TMEM132D: variants seen among roughly 807,000 people sequenced by gnomAD.
TMEM132D encodes the protein mature OL transmembrane protein.
In TMEM132D, 21 loss-of-function variants were observed where a neutral mutation model predicts 62.3. The observed-to-expected ratio is 0.34, with a 90% CI of 0.24 to 0.49. TMEM132D has a LOEUF of 0.49. Among genes scored for constraint, TMEM132D ranks in the 20% least tolerant of loss-of-function variants. The probability of loss-of-function intolerance (pLI) is 0.99; values close to 1 mark genes in which losing one functional copy is unlikely to be tolerated. For missense variants in TMEM132D, 1,346 were observed against 1,402.8 expected, an observed-to-expected ratio of 0.96 and a Z score of 0.65; for synonymous variants, 621 against 575.6, an observed-to-expected ratio of 1.08 and a Z score of -1.13.
At chr12:129,458,379 T>C (rs1873547206) in intron 3 of TMEM132D, among the ~76,000 whole-genome samples, 1 of 148,440 alleles carries the variant, frequency 6.7e-6, no homozygotes, top group African/African-American at 2.5e-5. Context: ...AGCATTTGCC[T>C]ATATCAGAGT....
chr12:129,835,496 G>C (rs944503474), intron 1 of TMEM132D, among the ~76,000 whole-genome samples: 1 of 152,034 alleles, frequency 6.6e-6, no homozygotes, highest in Non-Finnish European at 1.5e-5. Context: ...TCACCATGTT[G>C]TCCAGGCTAG....
Position 129,539,579 on chromosome 12 carries a change from T to TTA in TMEM132D, c.969-8375_969-8374insTA, listed in dbSNP as rs199536110. ...GCCACTGGCTAATTTTTTCTATTTT[T>TTA]TTTTTTTCTTTTAGCAGAGACGGGA... On this transcript the variant is annotated intron_variant, in intron 2 of 8. Transcript: ENST00000422113. Among the ~76,000 whole-genome samples the TTA allele has an allele frequency of 4.6e-3, 679 of 148,960 alleles. 11 individuals are homozygous for TTA. The highest frequency in any genetic ancestry group is 0.016 in the African/African-American group (641 of 39,878).
At chr12:129,723,312 G>A (rs538862777) in intron 1 of TMEM132D, among the ~76,000 whole-genome samples, 2 of 152,258 alleles carry the variant, frequency 1.3e-5, no homozygotes, top group South Asian at 2.1e-4. Flanking sequence ...GTACCTCTGC[G>A]TTCTGGGACT....
chr12:129,086,137 T>A (rs749712917), intron 5 of TMEM132D: 2 of 152,402 alleles, frequency 1.3e-5, no homozygotes, highest in Non-Finnish European at 2.9e-5. Flanking sequence ...TTGATCTACA[T>A]GTGTACTGTG....
At chr12:129,596,934 G>A (rs1878353603) in intron 2 of TMEM132D, among the ~76,000 whole-genome samples, 1 of 152,034 alleles carries the variant, frequency 6.6e-6, no homozygotes, top group Admixed American at 6.5e-5. Flanking sequence ...TACCTTTAAG[G>A]CATTTGATGA....
chr12:129,819,959 GGA>G, intron 1 of TMEM132D, among the ~76,000 whole-genome samples: 1 of 152,178 alleles, frequency 6.6e-6, no homozygotes, highest in East Asian at 1.9e-4. Flanking sequence ...CGTGCACCGT[GGA>G]CATGACTGCT....
At chr12:129,671,984 G>A (rs1880511036) in intron 2 of TMEM132D, among the ~76,000 whole-genome samples, 1 of 152,328 alleles carries the variant, frequency 6.6e-6, no homozygotes, top group East Asian at 1.9e-4. Context: ...CCTGGCCGCT[G>A]CAGACCCCAG....
In TMEM132D at chr12:129,406,869, C is replaced by T. The variant is rs894124720; in HGVS notation, c.1116-69052G>A. ...CAGCAGAAGTATCCCTGGTTATGCACGAAACTGAAAGATTTTGTCTGCAGC... is the reference window on the plus strand; with the variant it reads ...CAGCAGAAGTATCCCTGGTTATGCATGAAACTGAAAGATTTTGTCTGCAGC... On this transcript the variant is annotated intron_variant, in intron 3 of 8. Transcript: ENST00000422113. Among the ~76,000 whole-genome samples, 5 of 152,308 alleles carry T rather than the reference C, an allele frequency of 3.3e-5. No homozygotes were observed. The East Asian group carries it at 5.8e-4, about 18-fold the overall frequency.
chr12:129,149,563 G>A (rs561031973), intron 5 of TMEM132D, among the ~76,000 whole-genome samples: 107 of 152,316 alleles, frequency 7.0e-4, no homozygotes, highest in African/African-American at 1.9e-3. Context: ...TATTCTGTCC[G>A]TCTCCAGTGT....
chr12:129,685,224 C>T (rs1360699008), intron 2 of TMEM132D, among the ~76,000 whole-genome samples: 1 of 152,150 alleles, frequency 6.6e-6, no homozygotes, highest in Non-Finnish European at 1.5e-5. Context: ...ATGTCAGAGA[C>T]CTTCACAGTA....
In TMEM132D at chr12:129,144,540, G is replaced by A. The variant is rs1448163529; in HGVS notation, c.1444-59838C>T. On this transcript the variant is annotated intron_variant, in intron 5 of 8. Coordinates refer to ENST00000422113, the MANE Select transcript of TMEM132D (RefSeq NM_133448.3). ...CCTAGCTTAGACAGCCCTAGCTTACGGCTAGACATGGTGAGGAGGCACCTG... is the reference window on the plus strand; with the variant it reads ...CCTAGCTTAGACAGCCCTAGCTTACAGCTAGACATGGTGAGGAGGCACCTG... Among the ~76,000 whole-genome samples the A allele has an allele frequency of 9.2e-5, 14 of 152,246 alleles. No individual in the cohort carries two copies. The East Asian group carries it at 1.9e-3, about 21-fold the overall frequency.
At chr12:129,445,094 TGAAAGAC>T (rs553658884) in intron 3 of TMEM132D, among the ~76,000 whole-genome samples, 370 of 152,262 alleles carry the variant, frequency 2.4e-3, no homozygotes, top group African/African-American at 8.5e-3. Context: ...TATCCATCAA[TGAAAGAC>T]TGGATAAAGA....
chr12:129,424,925 T>C (rs978905755), intron 3 of TMEM132D, among the ~76,000 whole-genome samples: 2 of 152,094 alleles, frequency 1.3e-5, no homozygotes, highest in African/African-American at 4.8e-5. Context: ...AGATTCCTAA[T>C]GCCAATTTAC....
At chr12:129,376,083 T>G (rs1870772034) in intron 3 of TMEM132D, among the ~76,000 whole-genome samples, 1 of 152,176 alleles carries the variant, frequency 6.6e-6, no homozygotes, top group South Asian at 2.1e-4. Flanking sequence ...CAGAGATAAA[T>G]GTAGGCATCA....
chr12:129,653,201 A>C (rs536194576), intron 2 of TMEM132D, among the ~76,000 whole-genome samples: 14 of 152,124 alleles, frequency 9.2e-5, no homozygotes, highest in African/African-American at 2.7e-4. Flanking sequence ...AACCAGGATG[A>C]GGAGGGGCTG....
chr12:129,486,404 C>A (rs768608687), intron 3 of TMEM132D, among the ~76,000 whole-genome samples: 8 of 152,158 alleles, frequency 5.3e-5, no homozygotes, highest in Non-Finnish European at 1.0e-4. Context: ...CTTGCCCAGA[C>A]CCCATACATG....
At chr12:129,572,481 T>G (rs557998930) in intron 2 of TMEM132D, among the ~76,000 whole-genome samples, 1 of 152,290 alleles carries the variant, frequency 6.6e-6, no homozygotes, top group East Asian at 1.9e-4. Context: ...GGAGTTTCAC[T>G]CTTGTTGCCC....
intron 3 of TMEM132D, among the ~76,000 whole-genome samples, chr12:129,486,236 A>T (rs1435895803): frequency 6.6e-6 from 1 of 152,170 alleles, no homozygotes; most frequent in African/African-American, 2.4e-5. Context: ...GCTACATCAC[A>T]CACCTTTTAT....
At chr12:129,078,490 G>A in intron 8 of TMEM132D, 44 bp downstream of exon 8, 2 of 1,581,548 alleles carry the variant, frequency 1.3e-6, no homozygotes, top group African/African-American at 2.7e-5. Context: ...TGATCCACTT[G>A]GTGAGGGACC....
Sources: allele counts gnomAD v4.1 joint callset (sites outside exome capture counted in the v4.1 genomes callset), GRCh38; gene constraint gnomAD v4.1.1; transcripts MANE v1.5; gene names NCBI Gene and HGNC (gene_info 2026-07-23, HGNC 2026-07-21).